FEN1: variants seen among roughly 807,000 people sequenced by gnomAD.
FEN1 encodes flap endonuclease 1.
Under a neutral mutation model 24.7 loss-of-function variants are expected in FEN1, and 19 were observed. That is an observed-to-expected ratio of 0.77 (90% confidence interval 0.54 to 1.13). FEN1 has a LOEUF of 1.13. Among genes scored for constraint, FEN1 ranks in the 50% most tolerant of loss-of-function variants. FEN1 has a pLI of 0.00. For synonymous variants in FEN1, 155 were observed against 189.2 expected, an observed-to-expected ratio of 0.82 and a Z score of 1.48; for missense variants, 339 against 488.7, an observed-to-expected ratio of 0.69 and a Z score of 2.89.
In FEN1 at chr11:61,795,430, C is replaced by T; in HGVS notation, c.69C>T (p.Ile23=). The stretch of plus-strand genomic sequence containing the variant: ...CCAGTGCCATCCGGGAGAATGACAT[C>T]AAGAGCTACTTTGGCCGTAAGGTGG... ...VAPSAIREND[I]KSYFGRKVAI... Residue 23 remains isoleucine (I), a synonymous_variant, in exon 2 of 2, where the codon ATC becomes ATT. Coordinates refer to ENST00000305885, the MANE Select transcript of FEN1 (RefSeq NM_004111.6). The surrounding 1 kb of genome is among the most constrained non-coding windows in gnomAD (Gnocchi z 4.1). 1 of 1,614,110 alleles carries T rather than the reference C, an allele frequency of 6.2e-7. No homozygotes were observed. The highest frequency in any genetic ancestry group is 8.5e-7 in the Non-Finnish European group (1 of 1,179,984).
intron 1 of FEN1, among the ~76,000 whole-genome samples, chr11:61,794,141 T>C (rs1220236254): frequency 1.8e-4 from 27 of 152,202 alleles, no homozygotes; most frequent in Admixed American, 6.5e-4. Context: ...AGAATATTTC[T>C]TGGAGTATTG....
rs756338610 is a variant in FEN1, at chr11:61,796,234, A to G, written c.873A>G (p.Pro291=). 19 of 1,612,616 alleles carry G rather than the reference A, an allele frequency of 1.2e-5. No homozygotes were observed. In the African/African-American group the frequency reaches 2.0e-4, roughly 17 times the overall value. Residue 291 remains proline (P), a synonymous_variant, in exon 2 of 2, where the codon CCA becomes CCG. Transcript: ENST00000305885. ...TCTTGGAACCTGAGGTGCTGGACCC[A>G]GAGTCTGTGGAGCTGAAGTGGAGCG... ...QLFLEPEVLD[P]ESVELKWSEP...
chr11:61,794,017 G>A (rs955852431), intron 1 of FEN1, among the ~76,000 whole-genome samples: 3 of 152,158 alleles, frequency 2.0e-5, no homozygotes, highest in Non-Finnish European at 4.4e-5. Context: ...CTGGAGTGTG[G>A]TGGCACAATC....
Position 61,793,031 on chromosome 11 carries a change from G to A in FEN1, c.-22+3G>A, listed in dbSNP as rs2066798122. The A allele has an allele frequency of 5.8e-6, 1 of 171,054 alleles. No homozygotes were observed. Among genetic ancestry groups the A allele is most frequent in the Non-Finnish European group, 1.3e-5 (1 of 78,120 alleles). 10.6% of individuals were successfully genotyped at this position (171,054 alleles called of 1,614,324 possible). ...AGGCCGCGTGTCCCAAAGGCCAGGT[G>A]AGACCCCATGGGAAGCGCCTCCGGG... On this transcript the variant is annotated splice_donor_region_variant and intron_variant, in intron 1 of 1. Coordinates refer to ENST00000305885, the MANE Select transcript of FEN1 (RefSeq NM_004111.6).
chr11:61,793,471 G>A (rs530453783), intron 1 of FEN1, among the ~76,000 whole-genome samples: 28 of 152,316 alleles, frequency 1.8e-4, no homozygotes, highest in African/African-American at 6.7e-4. Flanking sequence ...AACCCTGGCA[G>A]CAGCCCTGAG....
rs776255928 is a variant in FEN1 at position 61,795,613 on chromosome 11, C to G, written c.252C>G (p.Val84=). ...AGAACGGCATCAAGCCCGTGTATGT[C>G]TTTGATGGCAAGCCGCCACAGCTCA... ...MMENGIKPVY[V]FDGKPPQLKS... Residue 84 remains valine (V), a synonymous_variant, in exon 2 of 2, where the codon GTC becomes GTG. Coordinates refer to ENST00000305885, the MANE Select transcript of FEN1 (RefSeq NM_004111.6). This position sits in a 1 kb window ranked among gnomAD's most constrained non-coding sequence, Gnocchi z 4.1. 2.5e-6 allele frequency: 4 copies of G among 1,614,158 alleles called. No homozygotes were observed. The Admixed American group carries it at 6.7e-5, about 27-fold the overall frequency.
intron 1 of FEN1, among the ~76,000 whole-genome samples, chr11:61,794,042 C>A (rs561406194): frequency 6.6e-6 from 1 of 152,262 alleles, no homozygotes; most frequent in East Asian, 1.9e-4. Flanking sequence ...CTCACTGTAG[C>A]CTGGAACTCC....
In FEN1 at chr11:61,795,457, C is replaced by A. The variant is rs568602534; in HGVS notation, c.96C>A (p.Ala32=). 3.1e-6 allele frequency: 5 copies of A among 1,614,216 alleles called. No homozygotes were observed. The highest frequency in any genetic ancestry group is 3.3e-5 in the Admixed American group (2 of 60,030). The change falls in exon 2 of 2, where the codon GCC becomes GCA. Residue 32 remains alanine, a synonymous_variant. Coordinates refer to ENST00000305885, the MANE Select transcript of FEN1 (RefSeq NM_004111.6). This position sits in a 1 kb window ranked among gnomAD's most constrained non-coding sequence, Gnocchi z 4.1. ...DIKSYFGRKV[A]IDASMSIYQF... ...AGAGCTACTTTGGCCGTAAGGTGGC[C>A]ATTGATGCCTCTATGAGCATTTATC...
rs1352021532 is a variant in FEN1, at chr11:61,795,263, A to T, written c.-21-78A>T. On this transcript the variant is annotated intron_variant, in intron 1 of 1. Transcript: ENST00000305885. The surrounding 1 kb of genome is among the most constrained non-coding windows in gnomAD (Gnocchi z 4.1). Reference sequence around the variant, plus strand: ...CTTTTTGTTGTGTGGAATTTAGTTGAAGGCATGAAGTTGGTGAGATAACAC... The same window carrying T: ...CTTTTTGTTGTGTGGAATTTAGTTGTAGGCATGAAGTTGGTGAGATAACAC... 2.4e-6 allele frequency: 3 copies of T among 1,230,012 alleles called. No individual in the cohort carries two copies. The highest frequency in any genetic ancestry group is 4.9e-5 in the East Asian group (2 of 40,904). 76.2% of individuals were successfully genotyped at this position (1,230,012 alleles called of 1,614,324 possible).
intron 1 of FEN1, among the ~76,000 whole-genome samples, chr11:61,794,524 TAAA>T (rs1418297764): frequency 6.6e-6 from 1 of 152,038 alleles, no homozygotes; most frequent in Non-Finnish European, 1.5e-5. Flanking sequence ...TTTAGTTTTT[TAAA>T]AAAAATTCTA....
At chr11:61,793,496 A>G (rs2066801576) in intron 1 of FEN1, among the ~76,000 whole-genome samples, 1 of 152,156 alleles carries the variant, frequency 6.6e-6, no homozygotes, top group Admixed American at 6.5e-5. Context: ...AGGCATGGTA[A>G]TCGTTCTTCT....
chr11:61,795,859 G>C lies in FEN1; in HGVS notation c.498G>C (p.Leu166=), dbSNP rs2066816483. 1 of 1,613,866 alleles carries C rather than the reference G, an allele frequency of 6.2e-7. No individual in the cohort carries two copies. The highest frequency in any genetic ancestry group is 8.5e-7 in the Non-Finnish European group (1 of 1,180,054). Residue 166 remains leucine, a synonymous_variant, in exon 2 of 2, where the codon CTG becomes CTC. Transcript: ENST00000305885. This position sits in a 1 kb window ranked among gnomAD's most constrained non-coding sequence, Gnocchi z 4.1. ...AGGCAGAGGCCAGCTGTGCTGCCCT[G>C]GTGAAGGCTGGCAAAGTCTATGCTG... ...PSEAEASCAA[L]VKAGKVYAAA...
rs1327071657 is a variant in FEN1 at position 61,792,993 on chromosome 11, GC to G, written c.-56del. ...CCTGCCCGGGGCAACCCCGAACCAA[GC>G]TTTAGCCGCCGAGGCCGCGTGTCCC... On this transcript the variant is annotated 5_prime_UTR_variant, in exon 1 of 2. Transcript: ENST00000305885. The G allele has an allele frequency of 5.5e-6, 1 of 181,684 alleles. No homozygotes were observed. The highest frequency in any genetic ancestry group is 1.2e-5 in the Non-Finnish European group (1 of 84,148). 11.3% of individuals were successfully genotyped at this position (181,684 alleles called of 1,614,324 possible).
Position 61,796,077 on chromosome 11 carries a change from G to C in FEN1, c.716G>C (p.Arg239Pro), listed in dbSNP as rs199499938. 6.2e-7 allele frequency: 1 copy of C among 1,614,050 alleles called. No homozygotes were observed. The highest frequency in any genetic ancestry group is 1.3e-5 in the African/African-American group (1 of 74,906). ...LLGSDYCESI[R>P]GIGPKRAVDL... ...GGCAGTGACTACTGTGAGAGTATCC[G>C]GGGTATTGGGCCCAAGCGGGCTGTG... The change falls in exon 2 of 2, where the codon CGG (arginine) becomes CCG (proline). Residue 239 changes from arginine to proline, a missense_variant. By Grantham distance (103) the Arg-to-Pro change is moderately radical (BLOSUM62 -2). Around this residue, in one of 3 missense-constraint regions of FEN1, gnomAD observed 216 missense variants for 329.7 expected, o/e 0.66. Transcript: ENST00000305885.
rs1032766776 is a variant in FEN1 at position 61,795,458 on chromosome 11, A to G, written c.97A>G (p.Ile33Val). 3 of 1,614,092 alleles carry G rather than the reference A, an allele frequency of 1.9e-6. No individual in the cohort carries two copies. Among genetic ancestry groups the G allele is most frequent in the African/African-American group, 2.7e-5 (2 of 74,926 alleles). ...GAGCTACTTTGGCCGTAAGGTGGCC[A>G]TTGATGCCTCTATGAGCATTTATCA... Reference protein sequence around the residue: ...IKSYFGRKVAIDASMSIYQFL... With the variant: ...IKSYFGRKVAVDASMSIYQFL... The change falls in exon 2 of 2, where the codon ATT becomes GTT. Residue 33 changes from isoleucine (I) to valine (V), a missense_variant. Ile to Val is a conservative substitution (Grantham distance 29). Transcript: ENST00000305885. The surrounding 1 kb of genome is among the most constrained non-coding windows in gnomAD (Gnocchi z 4.1).
chr11:61,797,181 A>T lies in FEN1; in HGVS notation c.*677A>T, dbSNP rs1312586749. On this transcript the variant is annotated 3_prime_UTR_variant, in exon 2 of 2. Coordinates refer to ENST00000305885, the MANE Select transcript of FEN1 (RefSeq NM_004111.6). The stretch of plus-strand genomic sequence containing the variant: ...ACTTTGGAATAAGACACTGGTTTTC[A>T]TGCGCTGTTTTTGTTTTAAAGTTAT... The T allele has an allele frequency of 6.0e-6, 1 of 167,272 alleles. No individual in the cohort carries two copies. The highest frequency in any genetic ancestry group is 1.5e-5 in the Non-Finnish European group (1 of 68,132). The allele number at this position is 167,272 out of a possible 1,614,324, so 10.4% of individuals were successfully genotyped here.
At position 61,797,059 on chromosome 11, in the gene FEN1, C is replaced by T. The variant is rs1243200807; in HGVS notation, c.*555C>T. 1.8e-5 allele frequency: 3 copies of T among 168,554 alleles called. No individual in the cohort carries two copies. The highest frequency in any genetic ancestry group is 4.3e-5 in the Non-Finnish European group (3 of 69,110). 10.4% of individuals were successfully genotyped at this position (168,554 alleles called of 1,614,324 possible). A position where few individuals can be genotyped will look rare whatever the true frequency, so the allele number is the denominator to read the frequency against. On this transcript the variant is annotated 3_prime_UTR_variant, in exon 2 of 2. Transcript: ENST00000305885. The stretch of plus-strand genomic sequence containing the variant: ...GTTTGTGACTGATTACTGGCTGTGT[C>T]TTGGGTGGGCAGAAACTCGAACTTG...
rs543135794 is a variant in FEN1 at position 61,795,856 on chromosome 11, C to T, written c.495C>T (p.Ala165=). The change falls in exon 2 of 2, where the codon GCC becomes GCT. Residue 165 remains alanine (A), a synonymous_variant. Coordinates refer to ENST00000305885, the MANE Select transcript of FEN1 (RefSeq NM_004111.6). The surrounding 1 kb of genome is among the most constrained non-coding windows in gnomAD (Gnocchi z 4.1). ...GTGAGGCAGAGGCCAGCTGTGCTGC[C>T]CTGGTGAAGGCTGGCAAAGTCTATG... ...APSEAEASCA[A]LVKAGKVYAA... is the part of the protein sequence containing the mutation. The T allele has an allele frequency of 3.2e-5, 51 of 1,613,964 alleles. No individual in the cohort carries two copies. In the East Asian group the frequency reaches 1.0e-3, roughly 32 times the overall value.
Position 61,796,361 on chromosome 11 carries a change from G to A in FEN1, c.1000G>A (p.Gly334Ser), listed in dbSNP as rs1398351987. 1.1e-5 allele frequency: 18 copies of A among 1,613,692 alleles called. No individual in the cohort carries two copies. The highest frequency in any genetic ancestry group is 1.4e-5 in the Non-Finnish European group (16 of 1,180,046). The change falls in exon 2 of 2, where the codon GGC becomes AGC. Residue 334 changes from glycine (G) to serine (S), a missense_variant. Coordinates refer to ENST00000305885, the MANE Select transcript of FEN1 (RefSeq NM_004111.6). Reference sequence around the variant, plus strand: ...CAAGAGGCTGAGTAAGAGCCGCCAAGGCAGCACCCAGGGCCGCCTGGATGA... The same window carrying A: ...CAAGAGGCTGAGTAAGAGCCGCCAAAGCAGCACCCAGGGCCGCCTGGATGA... ...GVKRLSKSRQ[G>S]STQGRLDDFF...
Sources: allele counts gnomAD v4.1 joint callset (sites outside exome capture counted in the v4.1 genomes callset), GRCh38; gene constraint gnomAD v4.1.1; regional missense constraint gnomAD v4.1.1; non-coding constraint Gnocchi (gnomAD v3.1); transcripts MANE v1.5; gene names NCBI Gene and HGNC (gene_info 2026-07-23, HGNC 2026-07-21).